Variants in DOCK10 observed in about 807,000 individuals in gnomAD.
DOCK10 encodes the protein dedicator of cytokinesis 10.
In DOCK10, 145 loss-of-function variants were observed where a neutral mutation model predicts 280.1. The ratio of observed to expected loss-of-function variants is 0.52; its 90% CI spans 0.45 to 0.59. The LOEUF (loss-of-function observed/expected upper bound fraction) is 0.59. Ranked by LOEUF, DOCK10 falls within the 20% of genes least tolerant of loss-of-function variation. The pLI, the probability that DOCK10 is intolerant of heterozygous loss-of-function variation, is 0.00. For synonymous variants in DOCK10, 915 were observed against 942.2 expected (o/e 0.97, Z 0.53); for missense variants, 2,368 against 2,651.7 (o/e 0.89, Z 2.35).
intron 4 of DOCK10, among the ~76,000 whole-genome samples, chr2:224,886,999 A>C (rs1699342376): frequency 6.6e-6 from 1 of 151,948 alleles, no homozygotes; most frequent in Admixed American, 6.6e-5. Flanking sequence ...CTGGCCTCAA[A>C]CTATCCTCCC....
intron 3 of DOCK10, among the ~76,000 whole-genome samples, chr2:224,898,710 AG>A (rs1461908235): frequency 4.6e-5 from 7 of 152,100 alleles, no homozygotes; most frequent in African/African-American, 1.7e-4. Context: ...CGGAGTAGCC[AG>A]GACTACAGGT....
chr2:224,996,082 A>G (rs1706266521), intron 1 of DOCK10, among the ~76,000 whole-genome samples: 1 of 152,230 alleles, frequency 6.6e-6, no homozygotes, highest in African/African-American at 2.4e-5. Flanking sequence ...TGCTTATGCA[A>G]TAAAAGTCTC....
At chr2:225,009,705 T>C (rs1689382229) in intron 1 of DOCK10, among the ~76,000 whole-genome samples, 1 of 151,864 alleles carries the variant, frequency 6.6e-6, no homozygotes. Context: ...CAGAGTTTGC[T>C]TACAAAGAGA....
chr2:225,030,949 T>C lies in DOCK10; in HGVS notation c.123+11303A>G, dbSNP rs571370175. Among the ~76,000 whole-genome samples, 11 of 152,312 alleles carry C rather than the reference T, an allele frequency of 7.2e-5. No homozygotes were observed. The South Asian group carries it at 2.3e-3, about 32-fold the overall frequency. The stretch of plus-strand genomic sequence containing the variant: ...CTTTACTGCAAACCAGGCCCTTGGA[T>C]TTCCTTTTGCATGCCTAATCTATAC... On this transcript the variant is annotated intron_variant, in intron 1 of 55. Transcript: ENST00000258390.
chr2:224,883,666 G>C (rs980447041), intron 7 of DOCK10, among the ~76,000 whole-genome samples: 1 of 152,166 alleles, frequency 6.6e-6, no homozygotes, highest in African/African-American at 2.4e-5. Context: ...ATGCGGACTT[G>C]CATGAATCCC....
chr2:224,921,716 T>A (rs73081818), intron 2 of DOCK10, among the ~76,000 whole-genome samples: 2,219 of 152,268 alleles, frequency 0.015, 55 homozygotes, highest in African/African-American at 0.05. Context: ...ACACAAGGTA[T>A]AGGAAAGAGA....
chr2:225,035,323 T>G (rs934637271), intron 1 of DOCK10, among the ~76,000 whole-genome samples: 2 of 151,614 alleles, frequency 1.3e-5, no homozygotes, highest in African/African-American at 4.9e-5. Context: ...TATGGGGAAG[T>G]CAAGATCTTT....
chr2:224,918,464 ATG>A (rs1349472346), intron 2 of DOCK10, among the ~76,000 whole-genome samples: 4 of 147,724 alleles, frequency 2.7e-5, no homozygotes, highest in Non-Finnish European at 6.0e-5. Flanking sequence ...TTATGTGAGC[ATG>A]TGTGGTGAGT....
chr2:224,773,328 G>A lies in DOCK10; in HGVS notation c.6033C>T (p.Tyr2011=), dbSNP rs371868810. ...TILTTSHLFP[Y]VKKRIQVISQ... is the part of the protein sequence containing the mutation. Reference sequence around the variant, plus strand: ...TAATTACTTGTATTCTCTTCTTCACGTAGGGGAACAGGTGACTCGCTGTAC... The same window carrying A: ...TAATTACTTGTATTCTCTTCTTCACATAGGGGAACAGGTGACTCGCTGTAC... The change falls in exon 53 of 56, where the codon TAC becomes TAT. Residue 2011 remains tyrosine, a synonymous_variant. Transcript: ENST00000258390. The A allele has an allele frequency of 6.5e-5, 105 of 1,611,912 alleles. 1 individual carries two copies. The highest frequency in any genetic ancestry group is 7.9e-5 in the Non-Finnish European group (93 of 1,179,120).
chr2:224,929,622 T>C (rs1170519890), intron 2 of DOCK10, among the ~76,000 whole-genome samples: 1 of 152,158 alleles, frequency 6.6e-6, no homozygotes, highest in Non-Finnish European at 1.5e-5. Flanking sequence ...TGGAATAAAA[T>C]AGTTCAGTGT....
chr2:224,773,244 C>G lies in DOCK10; in HGVS notation c.6117G>C (p.Lys2039Asn). ...TGCAAAGCTGATTAAGCTCAGAAAC[C>G]TTCTTGGACATCTCGTCAATTGCCA... ...IEVAIDEMSK[K>N]VSELNQLCTM... is the part of the protein sequence containing the mutation. Residue 2039 changes from lysine (K) to asparagine (N), a missense_variant, in exon 53 of 56, where the codon AAG becomes AAC. Transcript: ENST00000258390. 1 of 1,613,956 alleles carries G rather than the reference C, an allele frequency of 6.2e-7. No individual in the cohort carries two copies. The highest frequency in any genetic ancestry group is 8.5e-7 in the Non-Finnish European group (1 of 1,179,858).
At chr2:224,839,858 T>C (rs1234219541) in intron 24 of DOCK10, 96 bp downstream of exon 24, 1 of 511,690 alleles carries the variant, frequency 2.0e-6, no homozygotes, top group Non-Finnish European at 3.4e-6. Flanking sequence ...AAATGAAATG[T>C]AAACACACAA....
chr2:224,937,431 C>T (rs975068942), intron 1 of DOCK10, among the ~76,000 whole-genome samples: 2 of 152,132 alleles, frequency 1.3e-5, no homozygotes, highest in East Asian at 3.8e-4. Flanking sequence ...GAAACATGTG[C>T]CAATCAGCTA....
intron 2 of DOCK10, among the ~76,000 whole-genome samples, chr2:224,917,589 A>T (rs1701409695): frequency 6.6e-6 from 1 of 152,062 alleles, no homozygotes; most frequent in South Asian, 2.1e-4. Context: ...TGTTTAGTAA[A>T]TCTGAACCTT....
At chr2:224,808,819 G>T (rs541080682) in intron 31 of DOCK10, among the ~76,000 whole-genome samples, 2 of 151,990 alleles carry the variant, frequency 1.3e-5, no homozygotes, top group African/African-American at 4.8e-5. Flanking sequence ...GGTGTGGCAG[G>T]GTGTAAATGA....
chr2:224,910,591 A>G (rs1700954233), intron 3 of DOCK10, among the ~76,000 whole-genome samples: 1 of 152,206 alleles, frequency 6.6e-6, no homozygotes, highest in Non-Finnish European at 1.5e-5. Flanking sequence ...TATGTTTGTA[A>G]TTGCTACAAG....
intron 1 of DOCK10, among the ~76,000 whole-genome samples, chr2:224,946,633 A>G (rs1703435412): frequency 6.6e-6 from 1 of 152,226 alleles, no homozygotes; most frequent in Admixed American, 6.5e-5. Context: ...CTATTAATAT[A>G]TTTTACAAGA....
At chr2:224,916,015 C>A (rs148056188) in intron 3 of DOCK10, among the ~76,000 whole-genome samples, 5 of 152,194 alleles carry the variant, frequency 3.3e-5, no homozygotes, top group African/African-American at 9.7e-5. Context: ...TGGTGGGAAG[C>A]GTTTGGATCA....
chr2:225,019,652 A>C (rs1407591131), intron 1 of DOCK10, among the ~76,000 whole-genome samples: 1 of 152,108 alleles, frequency 6.6e-6, no homozygotes, highest in African/African-American at 2.4e-5. Flanking sequence ...TCTGATGGCA[A>C]ATCTTTCATT....
Sources: gnomAD v4.1 joint callset for allele counts (sites outside exome capture counted in the v4.1 genomes callset) on GRCh38, gnomAD v4.1.1 for gene constraint, MANE v1.5 for transcripts, NCBI Gene and HGNC (gene_info 2026-07-23, HGNC 2026-07-21) for gene names.